The following CTSS variants were observed in gnomAD, a reference collection of about 807,000 sequenced individuals.
CTSS encodes cathepsin S.
A neutral mutation model predicts 39.9 loss-of-function variants in CTSS; 15 were observed. The observed-to-expected ratio is 0.38, with a 90% CI of 0.25 to 0.58. CTSS has a LOEUF of 0.58. Among genes scored for constraint, CTSS ranks in the 20% least tolerant of loss-of-function variants. The probability of loss-of-function intolerance (pLI) is 0.70; values close to 1 mark genes in which losing one functional copy is unlikely to be tolerated. For missense variants in CTSS, 250 were observed against 398.2 expected, an observed-to-expected ratio of 0.63 and a Z score of 3.17; for synonymous variants, 126 against 138.2, an observed-to-expected ratio of 0.91 and a Z score of 0.62.
Position 150,749,986 on chromosome 1 carries a change from T to G in CTSS, c.793+20A>C, listed in dbSNP as rs376261246. ...TCTTTCTTTCTTTAAATTCTAATTATTGTTTATTTTATTTTTTACCACTTC... is the reference window on the plus strand; with the variant it reads ...TCTTTCTTTCTTTAAATTCTAATTAGTGTTTATTTTATTTTTTACCACTTC... On this transcript the variant is annotated intron_variant, in intron 6 of 7. Coordinates refer to ENST00000368985, the MANE Select transcript of CTSS (RefSeq NM_004079.5). 5.5e-4 allele frequency: 870 copies of G among 1,571,574 alleles called. 14 individuals carry two copies. In the South Asian group the frequency reaches 9.3e-3, roughly 17 times the overall value.
chr1:150,763,048 G>A (rs1047005587), intron 2 of CTSS, among the ~76,000 whole-genome samples: 2 of 151,404 alleles, frequency 1.3e-5, no homozygotes, highest in Non-Finnish European at 2.9e-5. Context: ...AAGACGAATG[G>A]ATAAAAAAGT....
At chr1:150,752,091 G>C in intron 4 of CTSS, 83 bp from the exon 5 acceptor site, 1 of 1,378,872 alleles carries the variant, frequency 7.3e-7, no homozygotes, top group Non-Finnish European at 1.0e-6. Flanking sequence ...ACAACGCTCA[G>C]CTACATCAGT....
At position 150,735,755 on chromosome 1, in the gene CTSS, A is replaced by AT. The variant is rs146960325; in HGVS notation, c.897-2611dup. Among the ~76,000 whole-genome samples, 760 of 126,530 alleles carry AT rather than the reference A, an allele frequency of 6.0e-3. 4 individuals are homozygous for AT. The highest frequency in any genetic ancestry group is 9.9e-3 in the Admixed American group (116 of 11,736). 83.0% of individuals were successfully genotyped at this position (126,530 alleles called of 152,430 possible). On this transcript the variant is annotated intron_variant, in intron 7 of 7. Coordinates refer to ENST00000368985, the MANE Select transcript of CTSS (RefSeq NM_004079.5). ...ATGTGCATACCACCATGCTTGGCCAATTTTTTTTTTTTTTTTTTTGTGATG... is the reference window on the plus strand; with the variant it reads ...ATGTGCATACCACCATGCTTGGCCAATTTTTTTTTTTTTTTTTTTTGTGATG...
chr1:150,737,622 A>G (rs1179567890), intron 7 of CTSS, among the ~76,000 whole-genome samples: 1 of 152,184 alleles, frequency 6.6e-6, no homozygotes, highest in Admixed American at 6.6e-5. Flanking sequence ...TTCCTTTGTA[A>G]TAGACTGAAG....
At chr1:150,761,128 G>A (rs1447381814) in intron 2 of CTSS, among the ~76,000 whole-genome samples, 2 of 145,880 alleles carry the variant, frequency 1.4e-5, no homozygotes, top group East Asian at 2.0e-4. Context: ...GCAGTGAGCC[G>A]AGATTGCGCC....
Position 150,757,930 on chromosome 1 carries a change from C to G in CTSS, c.177G>C (p.Val59=). ...RLIWEKNLKF[V]MLHNLEHSMG... ...TTGAATGCTCCAGGTTGTGAAGCAT[C>G]ACAAACTTTAGATTCTTTTCCCAGA... Residue 59 remains valine (V), a synonymous_variant, in exon 3 of 8, where the codon GTG becomes GTC. Transcript: ENST00000368985. 1 of 1,613,912 alleles carries G rather than the reference C, an allele frequency of 6.2e-7. No individual in the cohort carries two copies. Among genetic ancestry groups the G allele is most frequent in the South Asian group, 1.1e-5 (1 of 91,068 alleles).
At chr1:150,736,895 T>C (rs1418298002) in intron 7 of CTSS, among the ~76,000 whole-genome samples, 1 of 152,258 alleles carries the variant, frequency 6.6e-6, no homozygotes, top group African/African-American at 2.4e-5. Context: ...TTATTAATTC[T>C]ATAGCTCTTT....
At chr1:150,735,434 TC>T (rs1367813234) in intron 7 of CTSS, among the ~76,000 whole-genome samples, 1 of 152,186 alleles carries the variant, frequency 6.6e-6, no homozygotes, top group Non-Finnish European at 1.5e-5. Context: ...CTCTGGTCAG[TC>T]CTTCTCAAAC....
chr1:150,758,882 T>G (rs1653192618), intron 2 of CTSS, among the ~76,000 whole-genome samples: 1 of 149,444 alleles, frequency 6.7e-6, no homozygotes, highest in African/African-American at 2.5e-5. Context: ...AGGGTCTTGC[T>G]CTTTTGCCCA....
intron 2 of CTSS, among the ~76,000 whole-genome samples, chr1:150,761,521 C>T (rs1000578388): frequency 3.3e-5 from 5 of 152,018 alleles, no homozygotes; most frequent in African/African-American, 4.8e-5. Context: ...CACCTGAGGT[C>T]GGGAGTTTGA....
chr1:150,755,134 A>G lies in CTSS; in HGVS notation c.266T>C (p.Met89Thr), dbSNP rs766011829. The G allele has an allele frequency of 6.2e-7, 1 of 1,614,182 alleles. No individual in the cohort carries two copies. Among genetic ancestry groups the G allele is most frequent in the South Asian group, 1.1e-5 (1 of 91,086 alleles). Residue 89 changes from methionine to threonine, a missense_variant, in exon 4 of 8, where the codon ATG becomes ACG. Transcript: ENST00000368985. The stretch of plus-strand genomic sequence containing the variant: ...AACTCTCAGGGAACTCATCAAAGAC[A>G]TCACTTCTTCACTGGTCTACAAAGC... ...HLGDMTSEEV[M>T]SLMSSLRVPS...
intron 7 of CTSS, among the ~76,000 whole-genome samples, chr1:150,737,025 A>G (rs1466529562): frequency 6.6e-6 from 1 of 152,236 alleles, no homozygotes; most frequent in Non-Finnish European, 1.5e-5. Flanking sequence ...GTATATAGCC[A>G]ATGCTTACTA....
At chr1:150,759,390 A>G (rs757208532) in intron 2 of CTSS, among the ~76,000 whole-genome samples, 1 of 149,366 alleles carries the variant, frequency 6.7e-6, no homozygotes, top group Non-Finnish European at 1.5e-5. Flanking sequence ...GGAGCCTCAA[A>G]CTCTCTTTCA....
chr1:150,756,708 C>CT (rs72242218), intron 3 of CTSS, among the ~76,000 whole-genome samples: 31,218 of 131,076 alleles, frequency 0.24, 4,036 homozygotes, highest in South Asian at 0.44. Flanking sequence ...TTCTTTCTTT[C>CT]TTTTTTTTTT....
At chr1:150,745,956 C>T (rs1211797101) in intron 7 of CTSS, among the ~76,000 whole-genome samples, 1 of 152,092 alleles carries the variant, frequency 6.6e-6, no homozygotes, top group African/African-American at 2.4e-5. Context: ...CATCTCCACC[C>T]GTGCTGTACC....
rs72242218 is a variant in CTSS, at chr1:150,756,708, C to CTT, written c.249+1148_249+1149dup. ...ACATCCTTCTTTCTTTTCTTTCTTT[C>CTT]TTTTTTTTTTTTTTTTTTCTCTTTT... On this transcript the variant is annotated intron_variant, in intron 3 of 7. Coordinates refer to ENST00000368985, the MANE Select transcript of CTSS (RefSeq NM_004079.5). Among the ~76,000 whole-genome samples the CTT allele has an allele frequency of 3.8e-3, 497 of 131,142 alleles. 5 individuals carry two copies. Among genetic ancestry groups the CTT allele is most frequent in the South Asian group, 0.016 (65 of 4,016 alleles). The allele number at this position is 131,142 out of a possible 152,430, so 86.0% of individuals were successfully genotyped here. A position where few individuals can be genotyped will look rare whatever the true frequency, so the allele number is the denominator to read the frequency against.
intron 7 of CTSS, among the ~76,000 whole-genome samples, chr1:150,745,387 G>C (rs1435685935): frequency 6.6e-6 from 1 of 152,086 alleles, no homozygotes; most frequent in African/African-American, 2.4e-5. Context: ...TTGGCCAGGC[G>C]CAGTGGCTCA....
intron 7 of CTSS, among the ~76,000 whole-genome samples, chr1:150,746,546 C>A (rs587686311): frequency 2.6e-5 from 4 of 152,182 alleles, no homozygotes; most frequent in Admixed American, 6.6e-5. Context: ...TGCCTAAAAT[C>A]CTGTGATCCA....
intron 7 of CTSS, among the ~76,000 whole-genome samples, chr1:150,737,231 T>C (rs1266280157): frequency 6.6e-6 from 1 of 152,070 alleles, no homozygotes; most frequent in African/African-American, 2.4e-5. Context: ...GCCTCCTGAG[T>C]AGCTGGGATT....
Sources: allele counts gnomAD v4.1 joint callset (sites outside exome capture counted in the v4.1 genomes callset), GRCh38; gene constraint gnomAD v4.1.1; transcripts MANE v1.5; gene names NCBI Gene and HGNC (gene_info 2026-07-23, HGNC 2026-07-21).